The following OSBPL5 variants were observed in gnomAD, a reference collection of about 807,000 sequenced individuals.
OSBPL5 encodes oxysterol binding protein like 5.
In OSBPL5, 71 loss-of-function variants were observed where a neutral mutation model predicts 111.2. The observed-to-expected ratio is 0.64, with a 90% CI of 0.53 to 0.78. The LOEUF (loss-of-function observed/expected upper bound fraction) is 0.78. Ranked by LOEUF, OSBPL5 falls within the 30% of genes least tolerant of loss-of-function variation. OSBPL5 has a pLI of 0.00. For missense variants in OSBPL5, 1,210 were observed against 1,189.3 expected (o/e 1.02, Z -0.26); for synonymous variants, 549 against 513.9 (o/e 1.07, Z -0.93).
intron 1 of OSBPL5, chr11:3,129,403 C>T (rs572722770): frequency 8.0e-5 from 26 of 324,418 alleles, no homozygotes; most frequent in African/African-American, 3.0e-4. Context: ...TAGGGCTGGA[C>T]GGAGCCCTGG....
Position 3,092,625 on chromosome 11 carries a change from C to T in OSBPL5, c.2133-67G>A. The T allele has an allele frequency of 1.3e-6, 2 of 1,481,812 alleles. No individual in the cohort carries two copies. Among genetic ancestry groups the T allele is most frequent in the Non-Finnish European group, 1.8e-6 (2 of 1,105,782 alleles). 91.8% of individuals were successfully genotyped at this position (1,481,812 alleles called of 1,614,324 possible). A position where few individuals can be genotyped will look rare whatever the true frequency, so the allele number is the denominator to read the frequency against. On this transcript the variant is annotated intron_variant, in intron 18 of 21. Coordinates refer to ENST00000263650, the MANE Select transcript of OSBPL5 (RefSeq NM_020896.4). This position sits in a 1 kb window ranked among gnomAD's most constrained non-coding sequence, Gnocchi z 5.4. ...CTCAGGTGAGGGGGCTGTCCTGGCCCAGTCTTCAGCCCCCCAACAGTGGCC... is the reference window on the plus strand; with the variant it reads ...CTCAGGTGAGGGGGCTGTCCTGGCCTAGTCTTCAGCCCCCCAACAGTGGCC...
chr11:3,120,589 C>A lies in OSBPL5; in HGVS notation c.438G>T (p.Trp146Cys). 2 of 1,613,218 alleles carry A rather than the reference C, an allele frequency of 1.2e-6. No homozygotes were observed. Among genetic ancestry groups the A allele is most frequent in the Non-Finnish European group, 1.7e-6 (2 of 1,180,016 alleles). ...GCAGCACCCCCGGCTTCAGCACGCACCACAGCTTGGTCCAGCTCTTCAGGG... is the reference window on the plus strand; with the variant it reads ...GCAGCACCCCCGGCTTCAGCACGCAACACAGCTTGGTCCAGCTCTTCAGGG... ...RGTLKSWTKL[W>C]CVLKPGVLLI... The change falls in exon 6 of 22, where the codon TGG (tryptophan) becomes TGT (cysteine). Residue 146 changes from tryptophan (W) to cysteine (C), a missense_variant. By Grantham distance (215) the Trp-to-Cys change is radical (BLOSUM62 -2). Transcript: ENST00000263650.
intron 1 of OSBPL5, among the ~76,000 whole-genome samples, chr11:3,153,561 T>C (rs563192183): frequency 6.6e-6 from 1 of 152,096 alleles, no homozygotes; most frequent in African/African-American, 2.4e-5. Context: ...GCCAGCACCG[T>C]CGCTAGGGCT....
At chr11:3,102,077 C>A (rs1857479619) in intron 12 of OSBPL5, 106 bp downstream of exon 12, 1 of 1,190,526 alleles carries the variant, frequency 8.4e-7, no homozygotes, top group Non-Finnish European at 1.2e-6. Flanking sequence ...TGGAAGCCGG[C>A]CCTCGGGGTC....
intron 1 of OSBPL5, among the ~76,000 whole-genome samples, chr11:3,145,116 G>A (rs1564859340): frequency 1.3e-5 from 2 of 152,188 alleles, no homozygotes; most frequent in Non-Finnish European, 2.9e-5. Context: ...CTCCCGCTCT[G>A]CCTGGCCCTC....
At chr11:3,152,762 G>A (rs542121236) in intron 1 of OSBPL5, among the ~76,000 whole-genome samples, 2 of 152,032 alleles carry the variant, frequency 1.3e-5, no homozygotes, top group South Asian at 2.1e-4. Flanking sequence ...TGTCAATACC[G>A]TGTGATCCAC....
chr11:3,092,610 G>C lies in OSBPL5; in HGVS notation c.2133-52C>G. On this transcript the variant is annotated intron_variant, in intron 18 of 21. Transcript: ENST00000263650. This position sits in a 1 kb window ranked among gnomAD's most constrained non-coding sequence, Gnocchi z 5.4. ...GCACAGGCAGTGGCCCTCAGGTGAG[G>C]GGGCTGTCCTGGCCCAGTCTTCAGC... 6.6e-7 allele frequency: 1 copy of C among 1,515,348 alleles called. No individual in the cohort carries two copies. The highest frequency in any genetic ancestry group is 2.4e-5 in the East Asian group (1 of 41,228). The allele number at this position is 1,515,348 out of a possible 1,614,324, so 93.9% of individuals were successfully genotyped here.
Position 3,161,256 on chromosome 11 carries a change from T to C in OSBPL5, c.-22+3960A>G, listed in dbSNP as rs557908037. 6.6e-6 allele frequency: 1 copy of C among 152,222 alleles called. No homozygotes were observed. Among genetic ancestry groups the C allele is most frequent in the Non-Finnish European group, 1.5e-5 (1 of 68,032 alleles). 9.4% of individuals were successfully genotyped at this position (152,222 alleles called of 1,614,324 possible). On this transcript the variant is annotated intron_variant, in intron 1 of 21. Transcript: ENST00000263650. This position sits in a 1 kb window ranked among gnomAD's most constrained non-coding sequence, Gnocchi z 8.0. ...GGGATCTATGGACCAGTTAAGTCCA[T>C]CTGCATTCACCAAACACACTATTAG... is the stretch of plus-strand genomic sequence containing the variant.
chr11:3,099,051 A>C (rs7124388), intron 14 of OSBPL5, among the ~76,000 whole-genome samples: 25,528 of 151,508 alleles, frequency 0.17, 2,586 homozygotes, highest in African/African-American at 0.29. Flanking sequence ...GATTCCCCCA[A>C]CTCTACCTCC....
At chr11:3,089,064 C>T (rs1564818247) in intron 21 of OSBPL5, among the ~76,000 whole-genome samples, 1 of 152,228 alleles carries the variant, frequency 6.6e-6, no homozygotes, top group African/African-American at 2.4e-5. Flanking sequence ...ACCTGCCTGA[C>T]AGCTGACCTG....
chr11:3,148,893 G>A (rs187702339), intron 1 of OSBPL5, among the ~76,000 whole-genome samples: 85 of 152,348 alleles, frequency 5.6e-4, no homozygotes, highest in African/African-American at 2.0e-3. Flanking sequence ...ATTAAGATAA[G>A]GGGATTAAGA....
chr11:3,097,078 G>A (rs1590638666), intron 14 of OSBPL5, among the ~76,000 whole-genome samples: 1 of 114,552 alleles, frequency 8.7e-6, no homozygotes, highest in African/African-American at 3.2e-5. Flanking sequence ...AAGATGGAAG[G>A]AGGAGAAGAG....
At chr11:3,111,602 A>G (rs1390320301) in intron 7 of OSBPL5, among the ~76,000 whole-genome samples, 3 of 152,124 alleles carry the variant, frequency 2.0e-5, no homozygotes, top group Non-Finnish European at 4.4e-5. Flanking sequence ...ATTGACCTCT[A>G]TCTGGCTTGA....
rs1193729261 is a variant in OSBPL5, at chr11:3,110,843, A to G, written c.692-2898T>C. Among the ~76,000 whole-genome samples the G allele has an allele frequency of 6.6e-6, 1 of 152,092 alleles. No individual in the cohort carries two copies. The highest frequency in any genetic ancestry group is 1.5e-5 in the Non-Finnish European group (1 of 68,006). The stretch of plus-strand genomic sequence containing the variant: ...AATGTTCATCTTACATATGTTGGTT[A>G]ATGTCTCATGTCTCCCTAAAACCAA... On this transcript the variant is annotated intron_variant, in intron 7 of 21. Transcript: ENST00000263650. This position sits in a 1 kb window ranked among gnomAD's most constrained non-coding sequence, Gnocchi z 5.3.
At chr11:3,123,564 A>T (rs1288986451) in intron 3 of OSBPL5, among the ~76,000 whole-genome samples, 1 of 152,166 alleles carries the variant, frequency 6.6e-6, no homozygotes, top group East Asian at 1.9e-4. Context: ...TTTCCAGAGA[A>T]AGCGTGCCCG....
At chr11:3,120,944 C>T (rs553422772) in intron 5 of OSBPL5, among the ~76,000 whole-genome samples, 9 of 152,130 alleles carry the variant, frequency 5.9e-5, no homozygotes, top group African/African-American at 2.2e-4. Context: ...CAAAGAAATA[C>T]GTGGCAGCAG....
chr11:3,125,450 T>C (rs1858577525), intron 3 of OSBPL5, among the ~76,000 whole-genome samples: 1 of 152,192 alleles, frequency 6.6e-6, no homozygotes. Flanking sequence ...TTCAATGTTA[T>C]CCGTCATTAG....
At chr11:3,136,570 T>A (rs903638968) in intron 1 of OSBPL5, among the ~76,000 whole-genome samples, 1 of 152,214 alleles carries the variant, frequency 6.6e-6, no homozygotes, top group Non-Finnish European at 1.5e-5. Context: ...GGCCCAGCCA[T>A]GACTCCAGTG....
At position 3,087,853 on chromosome 11, in the gene OSBPL5, C is replaced by G; in HGVS notation, c.*352G>C. On this transcript the variant is annotated 3_prime_UTR_variant, in exon 22 of 22. Transcript: ENST00000263650. ...TGCTGGGGTGTGACTGTCCAGGGCCCCCACAGGCCCTCCCACCCTAAATCC... is the reference window on the plus strand; with the variant it reads ...TGCTGGGGTGTGACTGTCCAGGGCCGCCACAGGCCCTCCCACCCTAAATCC... 5.4e-6 allele frequency: 1 copy of G among 185,144 alleles called. No homozygotes were observed. The highest frequency in any genetic ancestry group is 1.1e-5 in the Non-Finnish European group (1 of 89,898). The allele number at this position is 185,144 out of a possible 1,614,324, so 11.5% of individuals were successfully genotyped here. A position where few individuals can be genotyped will look rare whatever the true frequency, so the allele number is the denominator to read the frequency against.
Sources: gnomAD v4.1 joint callset for allele counts (sites outside exome capture counted in the v4.1 genomes callset) on GRCh38, gnomAD v4.1.1 for gene constraint, Gnocchi (gnomAD v3.1) non-coding constraint, MANE v1.5 for transcripts, NCBI Gene and HGNC (gene_info 2026-07-23, HGNC 2026-07-21) for gene names.